OXR1: variants seen among roughly 807,000 people sequenced by gnomAD.
The protein encoded by OXR1 is oxidation resistance 1, also known as oxidation resistance protein 1.
OXR1 carries 41 observed loss-of-function variants against 104.6 expected under a neutral mutation model. The ratio of observed to expected loss-of-function variants is 0.39; its 90% CI spans 0.31 to 0.51. The LOEUF (loss-of-function observed/expected upper bound fraction) is 0.51, where lower values mean the gene tolerates loss of function less well. Among genes scored for constraint, OXR1 ranks in the 20% least tolerant of loss-of-function variants. The pLI is 0.77. For missense variants in OXR1, 955 were observed against 1,031.9 expected (o/e 0.93, Z 1.02); for synonymous variants, 348 against 348.4 (o/e 1.00, Z 0.01).
At chr8:106,624,368 C>T (rs1394130276) in intron 3 of OXR1, among the ~76,000 whole-genome samples, 1 of 152,022 alleles carries the variant, frequency 6.6e-6, no homozygotes, top group African/African-American at 2.4e-5. Context: ...ATTAGCCTGG[C>T]TAACGATGGG....
chr8:106,386,888 A>G (rs1179390945), intron 2 of OXR1, among the ~76,000 whole-genome samples: 1 of 152,190 alleles, frequency 6.6e-6, no homozygotes, highest in East Asian at 1.9e-4. Flanking sequence ...TTTTTAGCAG[A>G]CTTTTAAAAA....
intron 4 of OXR1, among the ~76,000 whole-genome samples, chr8:106,679,901 A>G (rs1317673102): frequency 1.3e-5 from 2 of 152,018 alleles, no homozygotes; most frequent in African/African-American, 4.8e-5. Flanking sequence ...ATTGAATGTA[A>G]AGATTGTTTA....
intron 3 of OXR1, among the ~76,000 whole-genome samples, chr8:106,578,806 C>A (rs1030461448): frequency 7.2e-5 from 11 of 152,094 alleles, no homozygotes; most frequent in Non-Finnish European, 1.6e-4. Flanking sequence ...GTCAGCACAC[C>A]TGGTTATATA....
chr8:106,411,509 T>G (rs1586617202), intron 2 of OXR1, among the ~76,000 whole-genome samples: 1 of 152,184 alleles, frequency 6.6e-6, no homozygotes, highest in African/African-American at 2.4e-5. Context: ...AAGTAAAAGA[T>G]GCCTTTTCTC....
intron 2 of OXR1, among the ~76,000 whole-genome samples, chr8:106,516,710 A>T (rs1812886218): frequency 6.6e-6 from 1 of 152,266 alleles, no homozygotes; most frequent in South Asian, 2.1e-4. Context: ...ATACAGTAGT[A>T]CCACCTTATC....
intron 1 of OXR1, among the ~76,000 whole-genome samples, chr8:106,307,003 C>T (rs912275612): frequency 6.6e-6 from 1 of 152,168 alleles, no homozygotes; most frequent in African/African-American, 2.4e-5. Context: ...GCACTTGTAG[C>T]TTCACCTTAC....
chr8:106,358,007 T>C lies in OXR1; in HGVS notation c.-138-1469T>C, dbSNP rs540983104. Among the ~76,000 whole-genome samples the C allele has an allele frequency of 4.9e-4, 74 of 152,134 alleles. 1 individual carries two copies. The highest frequency in any genetic ancestry group is 1.2e-3 in the South Asian group (6 of 4,824). On this transcript the variant is annotated intron_variant, in intron 1 of 16. Transcript: ENST00000517566. Reference sequence around the variant, plus strand: ...CCGGAATAATGGCTGCATTTTCCAATTGTCTTTAGAGTAAGAGTGGCCAAG... The same window carrying C: ...CCGGAATAATGGCTGCATTTTCCAACTGTCTTTAGAGTAAGAGTGGCCAAG...
rs554739907 is a variant in OXR1, at chr8:106,694,012, T to A, written c.675+1135T>A. 2.0e-5 allele frequency among the ~76,000 whole-genome samples: 3 copies of A among 152,262 alleles called. No homozygotes were observed. The South Asian group carries it at 6.2e-4, about 32-fold the overall frequency. Reference sequence around the variant, plus strand: ...GTTGTGTTTTCATTTTCATTTACTTTAAAATATTTTCTCTTGATTTCTTCT... The same window carrying A: ...GTTGTGTTTTCATTTTCATTTACTTAAAAATATTTTCTCTTGATTTCTTCT... On this transcript the variant is annotated intron_variant, in intron 7 of 16. Coordinates refer to ENST00000517566, the MANE Select transcript of OXR1 (RefSeq NM_001198533.2).
chr8:106,427,855 A>G (rs1170840473), intron 2 of OXR1, among the ~76,000 whole-genome samples: 17 of 152,148 alleles, frequency 1.1e-4, no homozygotes, highest in Admixed American at 1.1e-3. Context: ...AGAGGCTGAC[A>G]TGTTTCTGCC....
intron 11 of OXR1, among the ~76,000 whole-genome samples, chr8:106,732,151 A>G (rs1452689730): frequency 6.6e-6 from 1 of 152,112 alleles, no homozygotes; most frequent in African/African-American, 2.4e-5. Context: ...TATAAATGGT[A>G]TTCTTTTTAA....
At chr8:106,628,099 C>T (rs1388214702) in intron 3 of OXR1, among the ~76,000 whole-genome samples, 3 of 152,020 alleles carry the variant, frequency 2.0e-5, no homozygotes, top group Admixed American at 6.6e-5. Context: ...TTCCTATTGC[C>T]TTCTTCATGT....
Position 106,408,748 on chromosome 8 carries a change from T to C in OXR1, c.23+49112T>C, listed in dbSNP as rs561657112. On this transcript the variant is annotated intron_variant, in intron 2 of 16. Coordinates refer to ENST00000517566, the MANE Select transcript of OXR1 (RefSeq NM_001198533.2). ...TGTCCTGCAGATCCTGGCCGACAGA[T>C]GAAATGACTACTCCAGACACAGGTA... Among the ~76,000 whole-genome samples the C allele has an allele frequency of 2.6e-5, 4 of 152,268 alleles. No homozygotes were observed. The South Asian group carries it at 8.3e-4, about 32-fold the overall frequency.
chr8:106,311,620 G>T (rs549184244), intron 1 of OXR1, among the ~76,000 whole-genome samples: 146 of 152,232 alleles, frequency 9.6e-4, no homozygotes, highest in African/African-American at 3.3e-3. Context: ...AGGAGGTGTA[G>T]TCATCTGGTT....
intron 8 of OXR1, among the ~76,000 whole-genome samples, chr8:106,704,191 T>G (rs1830878819): frequency 1.3e-5 from 2 of 152,058 alleles, no homozygotes; most frequent in African/African-American, 4.8e-5. Flanking sequence ...GTTATATTTG[T>G]AGATCATCAT....
At chr8:106,720,646 T>C (rs766908879) in intron 11 of OXR1, 1 of 658,276 alleles carries the variant, frequency 1.5e-6, no homozygotes, top group Non-Finnish European at 1.9e-6. Context: ...CAGATACAAT[T>C]GATGTTGTCA....
chr8:106,695,608 G>C (rs967028202), intron 7 of OXR1, among the ~76,000 whole-genome samples: 4 of 151,558 alleles, frequency 2.6e-5, no homozygotes, highest in African/African-American at 9.7e-5. Flanking sequence ...TTAGTAGAGA[G>C]GGGGTTTTAC....
chr8:106,547,482 T>C (rs549403055), intron 3 of OXR1, among the ~76,000 whole-genome samples: 2 of 128,638 alleles, frequency 1.6e-5, no homozygotes, highest in South Asian at 4.9e-4. Context: ...AGAATTTCCT[T>C]TCTTTCTTTC....
At chr8:106,429,278 G>A (rs1819264292) in intron 2 of OXR1, among the ~76,000 whole-genome samples, 1 of 151,980 alleles carries the variant, frequency 6.6e-6, no homozygotes, top group African/African-American at 2.4e-5. Flanking sequence ...GGAGGATGCC[G>A]GCCCAAGACT....
intron 3 of OXR1, among the ~76,000 whole-genome samples, chr8:106,530,242 AT>A (rs1376122376): frequency 1.3e-5 from 2 of 151,886 alleles, no homozygotes; most frequent in African/African-American, 4.8e-5. Flanking sequence ...GTATCTCCTG[AT>A]TTTTTTTAAT....
Sources: allele counts gnomAD v4.1 joint callset (sites outside exome capture counted in the v4.1 genomes callset), GRCh38; gene constraint gnomAD v4.1.1; transcripts MANE v1.5; gene names NCBI Gene and HGNC (gene_info 2026-07-23, HGNC 2026-07-21).